C2CD5: variants seen among roughly 807,000 people sequenced by gnomAD.
C2CD5 encodes the protein C2 calcium dependent domain containing 5.
In C2CD5, 109 loss-of-function variants were observed where a neutral mutation model predicts 130.3. The ratio of observed to expected loss-of-function variants is 0.84; its 90% CI spans 0.72 to 0.98. The LOEUF is 0.98. Among genes scored for constraint, C2CD5 ranks in the 50% least tolerant of loss-of-function variants. The pLI, the probability that C2CD5 is intolerant of heterozygous loss-of-function variation, is 0.00. For synonymous variants in C2CD5, 454 were observed against 429.2 expected (o/e 1.06, Z -0.71); for missense variants, 996 against 1,261.8 (o/e 0.79, Z 3.19).
At chr12:22,471,198 C>T (rs561701941) in intron 20 of C2CD5, among the ~76,000 whole-genome samples, 48 of 152,080 alleles carry the variant, frequency 3.2e-4, no homozygotes, top group African/African-American at 1.1e-3. Flanking sequence ...CATGCTGAAG[C>T]ATACGTGTGC....
chr12:22,487,459 C>A (rs1945693487), intron 12 of C2CD5, among the ~76,000 whole-genome samples: 2 of 152,204 alleles, frequency 1.3e-5, no homozygotes, highest in African/African-American at 4.8e-5. Flanking sequence ...AAATGCTCAT[C>A]ATCACTGGCC....
intron 5 of C2CD5, 94 bp from the exon 6 acceptor site, chr12:22,524,721 A>G: frequency 1.3e-6 from 1 of 767,852 alleles, no homozygotes; most frequent in Non-Finnish European, 2.1e-6. Context: ...TTAGATACAT[A>G]ATACAAGAAC....
chr12:22,482,858 C>T, intron 13 of C2CD5, 115 bp from the exon 14 acceptor site: 1 of 718,562 alleles, frequency 1.4e-6, no homozygotes, highest in Non-Finnish European at 2.4e-6. Flanking sequence ...TTCTAATGGG[C>T]TTACTGAGTT....
At chr12:22,485,070 C>A (rs147274771) in intron 12 of C2CD5, among the ~76,000 whole-genome samples, 182 bp from the exon 13 acceptor site, 199 of 152,046 alleles carry the variant, frequency 1.3e-3, no homozygotes, top group East Asian at 9.5e-3. Context: ...AAATCAGAAC[C>A]ATACATTTTT....
intron 11 of C2CD5, among the ~76,000 whole-genome samples, chr12:22,492,665 A>C (rs757661683): frequency 4.6e-5 from 7 of 152,108 alleles, no homozygotes; most frequent in Non-Finnish European, 5.9e-5. Flanking sequence ...ACTTTAAAGG[A>C]GGAGATTGTT....
chr12:22,502,045 A>G lies in C2CD5; in HGVS notation c.1147+4666T>C, dbSNP rs117863224. Reference sequence around the variant, plus strand: ...TAGAAATGTACATTATGTTTTTATCAAAAAAAAAAATTAATTACTTTTGAC... The same window carrying G: ...TAGAAATGTACATTATGTTTTTATCGAAAAAAAAAATTAATTACTTTTGAC... On this transcript the variant is annotated intron_variant, in intron 10 of 26. Coordinates refer to ENST00000446597, the MANE Select transcript of C2CD5 (RefSeq NM_001286176.2). Among the ~76,000 whole-genome samples, 128 of 145,760 alleles carry G rather than the reference A, an allele frequency of 8.8e-4. 14 individuals carry two copies. Among genetic ancestry groups the G allele is most frequent in the Non-Finnish European group, 6.1e-5 (4 of 65,842 alleles).
intron 9 of C2CD5, among the ~76,000 whole-genome samples, chr12:22,510,520 T>C (rs916289147): frequency 6.6e-6 from 1 of 152,230 alleles, no homozygotes; most frequent in Non-Finnish European, 1.5e-5. Context: ...TTAAATAGTT[T>C]ATTCTTTAAA....
chr12:22,453,981 G>C lies in C2CD5; in HGVS notation c.2939C>G (p.Ala980Gly), dbSNP rs1243397475. ...ATTCCCTCCTAATGCAGCAACATGA[G>C]CTCTCACCATTGCAAACACTTCAGC... ...FIAEVFAMVRAHVAALGGNAV... is the reference protein window; with the variant it reads ...FIAEVFAMVRGHVAALGGNAV... Residue 980 changes from alanine (A) to glycine (G), a missense_variant, in exon 26 of 27, where the codon GCT (alanine) becomes GGT (glycine). Physicochemically the swap from Ala to Gly is moderately conservative, Grantham distance 60. This residue lies in a region of C2CD5 where 51 missense variants were observed against 99.5 expected (regional missense o/e 0.51). Transcript: ENST00000446597. The C allele has an allele frequency of 3.1e-6, 5 of 1,613,296 alleles. No individual in the cohort carries two copies. The highest frequency in any genetic ancestry group is 4.2e-6 in the Non-Finnish European group (5 of 1,179,470).
intron 2 of C2CD5, among the ~76,000 whole-genome samples, chr12:22,537,194 C>T (rs1288281134): frequency 2.0e-5 from 3 of 152,078 alleles, no homozygotes; most frequent in Non-Finnish European, 4.4e-5. Flanking sequence ...ACTGTTCATT[C>T]TAAATAAAGA....
intron 7 of C2CD5, among the ~76,000 whole-genome samples, chr12:22,520,778 G>C (rs756260772): frequency 6.6e-6 from 1 of 151,994 alleles, no homozygotes; most frequent in African/African-American, 2.4e-5. Flanking sequence ...CTATTGTCAA[G>C]AGAGTTAAGC....
chr12:22,497,835 A>G (rs1375810800), intron 10 of C2CD5, among the ~76,000 whole-genome samples: 1 of 151,872 alleles, frequency 6.6e-6, no homozygotes, highest in East Asian at 1.9e-4. Flanking sequence ...TACTATCTGT[A>G]AATTTAGAAA....
chr12:22,454,384 A>C (rs1469782252), intron 25 of C2CD5, among the ~76,000 whole-genome samples: 2 of 152,182 alleles, frequency 1.3e-5, no homozygotes, highest in African/African-American at 4.8e-5. Context: ...CCATCATATC[A>C]TGCTCATCAT....
chr12:22,456,307 A>G (rs943714146), intron 25 of C2CD5, among the ~76,000 whole-genome samples: 1 of 152,160 alleles, frequency 6.6e-6, no homozygotes, highest in African/African-American at 2.4e-5. Context: ...TCACCATATT[A>G]ATTTGCTTGG....
At position 22,506,706 on chromosome 12, in the gene C2CD5, C is replaced by T; in HGVS notation, c.1147+5G>A. ...AGGAAACATTGAAACTTTTTAAGAA[C>T]ATACCAGGATTGTGGATACGATCCA... is the stretch of plus-strand genomic sequence containing the variant. On this transcript the variant is annotated splice_donor_5th_base_variant and intron_variant, in intron 10 of 26. Coordinates refer to ENST00000446597, the MANE Select transcript of C2CD5 (RefSeq NM_001286176.2). 6.8e-7 allele frequency: 1 copy of T among 1,470,726 alleles called. No homozygotes were observed. 91.1% of individuals were successfully genotyped at this position (1,470,726 alleles called of 1,614,324 possible).
At chr12:22,513,757 T>C (rs896023274) in intron 8 of C2CD5, among the ~76,000 whole-genome samples, 2 of 152,060 alleles carry the variant, frequency 1.3e-5, no homozygotes, top group African/African-American at 4.8e-5. Context: ...ATGAGAAATA[T>C]AAAATGTCTG....
In C2CD5 at chr12:22,544,220, C is replaced by A. The variant is rs555837518; in HGVS notation, c.-29-41G>T. On this transcript the variant is annotated intron_variant, in intron 1 of 26. Transcript: ENST00000446597. ...AACGAGTCTGCGCCGAGCGCGGGGCCGGCGGGAGAGGGGCGGAGGCGCGCG... is the reference window on the plus strand; with the variant it reads ...AACGAGTCTGCGCCGAGCGCGGGGCAGGCGGGAGAGGGGCGGAGGCGCGCG... 1.3e-5 allele frequency: 20 copies of A among 1,523,824 alleles called. No homozygotes were observed. In the South Asian group the frequency reaches 2.2e-4, roughly 17 times the overall value. 94.4% of individuals were successfully genotyped at this position (1,523,824 alleles called of 1,614,324 possible).
At chr12:22,483,915 C>G (rs752102534) in intron 13 of C2CD5, among the ~76,000 whole-genome samples, 1 of 152,062 alleles carries the variant, frequency 6.6e-6, no homozygotes, top group Non-Finnish European at 1.5e-5. Context: ...ATGAAGTAGA[C>G]AGGTATAAGT....
chr12:22,510,076 A>G (rs1003685416), intron 9 of C2CD5, among the ~76,000 whole-genome samples: 1 of 152,050 alleles, frequency 6.6e-6, no homozygotes, highest in Non-Finnish European at 1.5e-5. Flanking sequence ...GTAGTGGCGG[A>G]CGCCTGTAAT....
chr12:22,523,080 G>A (rs1238886227), intron 7 of C2CD5, among the ~76,000 whole-genome samples: 1 of 151,886 alleles, frequency 6.6e-6, no homozygotes, highest in African/African-American at 2.4e-5. Flanking sequence ...TGGGCGTGGT[G>A]GCCTGCCCCT....
Sources: gnomAD v4.1 joint callset for allele counts (sites outside exome capture counted in the v4.1 genomes callset) on GRCh38, gnomAD v4.1.1 for gene constraint, gnomAD v4.1.1 regional missense constraint, MANE v1.5 for transcripts, NCBI Gene and HGNC (gene_info 2026-07-23, HGNC 2026-07-21) for gene names.